Variants in RANBP17 observed in about 807,000 individuals in gnomAD.
RANBP17 encodes the protein ran-binding protein 17.
Under a neutral mutation model 141.2 loss-of-function variants are expected in RANBP17, and 158 were observed. The observed-to-expected ratio is 1.12, with a 90% CI of 0.98 to 1.28. The LOEUF is 1.28. RANBP17 is among the 50% of genes most tolerant of loss of function. RANBP17 has a pLI of 0.00. For synonymous variants in RANBP17, 430 were observed against 450.0 expected (o/e 0.96, Z 0.56); for missense variants, 1,438 against 1,290.7 (o/e 1.11, Z -1.75).
intron 22 of RANBP17, among the ~76,000 whole-genome samples, chr5:171,228,987 G>A (rs1450950370): frequency 3.3e-5 from 5 of 152,072 alleles, no homozygotes; most frequent in Admixed American, 3.3e-4. Context: ...GTAGTGGTCT[G>A]GAACTGAACT....
At chr5:171,088,979 C>T (rs1422803794) in intron 14 of RANBP17, among the ~76,000 whole-genome samples, 1 of 151,842 alleles carries the variant, frequency 6.6e-6, no homozygotes, top group Admixed American at 6.6e-5. Flanking sequence ...AGTCATTCTC[C>T]ATCCAGCTTT....
chr5:171,250,758 T>C (rs1202648596), intron 24 of RANBP17, among the ~76,000 whole-genome samples: 1 of 152,194 alleles, frequency 6.6e-6, no homozygotes, highest in Non-Finnish European at 1.5e-5. Flanking sequence ...GGTCATTATA[T>C]AATGATAAAG....
At chr5:171,036,808 A>G (rs1333561647) in intron 14 of RANBP17, among the ~76,000 whole-genome samples, 2 of 152,176 alleles carry the variant, frequency 1.3e-5, no homozygotes, top group Non-Finnish European at 2.9e-5. Context: ...CATGGTGTAT[A>G]TGTACTATAT....
In RANBP17 at chr5:171,187,673, C is replaced by CT. The variant is rs1263271155; in HGVS notation, c.2038+4245dup. Among the ~76,000 whole-genome samples the CT allele has an allele frequency of 8.9e-4, 136 of 152,088 alleles. 1 individual carries two copies. Among genetic ancestry groups the CT allele is most frequent in the Non-Finnish European group, 2.2e-4 (15 of 67,984 alleles). On this transcript the variant is annotated intron_variant, in intron 18 of 27. Coordinates refer to ENST00000523189, the MANE Select transcript of RANBP17 (RefSeq NM_022897.5). Reference sequence around the variant, plus strand: ...TTACTTTTATAATGGTAAAAATTAACTTATTTTTAAAATTTGTTACTAAAA... The same window carrying CT: ...TTACTTTTATAATGGTAAAAATTAACTTTATTTTTAAAATTTGTTACTAAAA...
chr5:170,976,007 AC>A (rs1777348493), intron 14 of RANBP17, among the ~76,000 whole-genome samples: 1 of 151,812 alleles, frequency 6.6e-6, no homozygotes, highest in African/African-American at 2.4e-5. Context: ...ACAAAACAAA[AC>A]AAAAAGGCAT....
chr5:171,171,973 A>G (rs972463093), intron 16 of RANBP17, among the ~76,000 whole-genome samples: 2 of 151,982 alleles, frequency 1.3e-5, no homozygotes, highest in Non-Finnish European at 2.9e-5. Flanking sequence ...TCTAACAACT[A>G]GAGAGAATCA....
chr5:171,035,535 GT>G (rs939869013), intron 14 of RANBP17, among the ~76,000 whole-genome samples: 1 of 143,840 alleles, frequency 7.0e-6, no homozygotes, highest in African/African-American at 2.6e-5. Context: ...GAGGTCTAGA[GT>G]TTTTTTTTGT....
intron 14 of RANBP17, among the ~76,000 whole-genome samples, chr5:171,008,424 G>T (rs548445065): frequency 6.6e-6 from 1 of 152,268 alleles, no homozygotes; most frequent in African/African-American, 2.4e-5. Flanking sequence ...TGTCACGGAC[G>T]TCCGTGTGAA....
At chr5:171,150,091 A>G (rs1401388445) in intron 14 of RANBP17, among the ~76,000 whole-genome samples, 2 of 152,140 alleles carry the variant, frequency 1.3e-5, no homozygotes, top group Non-Finnish European at 2.9e-5. Flanking sequence ...ATCTGTTTTT[A>G]TATTCTGTTT....
intron 3 of RANBP17, among the ~76,000 whole-genome samples, chr5:170,890,764 T>C (rs1769527268): frequency 6.6e-6 from 1 of 152,270 alleles, no homozygotes; most frequent in African/African-American, 2.4e-5. Flanking sequence ...CTGAATTTGC[T>C]ATCCACTTTT....
intron 24 of RANBP17, chr5:171,251,991 T>C: frequency 6.2e-7 from 1 of 1,609,582 alleles, no homozygotes; most frequent in Non-Finnish European, 8.5e-7. Context: ...TTTATTTTTG[T>C]CGTCCATTTC....
At chr5:170,885,051 CCTTTA>C (rs1769029499) in intron 3 of RANBP17, among the ~76,000 whole-genome samples, 1 of 151,776 alleles carries the variant, frequency 6.6e-6, no homozygotes, top group African/African-American at 2.4e-5. Context: ...CCTTTTGTCG[CCTTTA>C]CTTAGAGTTG....
At chr5:171,231,177 T>C (rs1198537553) in intron 22 of RANBP17, among the ~76,000 whole-genome samples, 1 of 150,166 alleles carries the variant, frequency 6.7e-6, no homozygotes, top group Non-Finnish European at 1.5e-5. Context: ...CAAAACTCCT[T>C]ACCTCAAGCA....
chr5:171,289,731 A>G (rs1176878377), intron 25 of RANBP17, among the ~76,000 whole-genome samples: 1 of 152,118 alleles, frequency 6.6e-6, no homozygotes, highest in African/African-American at 2.4e-5. Flanking sequence ...GTAAGACCCC[A>G]TCTCTAAAAA....
At chr5:170,878,735 A>G (rs964169691) in intron 2 of RANBP17, among the ~76,000 whole-genome samples, 1 of 152,184 alleles carries the variant, frequency 6.6e-6, no homozygotes, top group Non-Finnish European at 1.5e-5. Context: ...TGATTTATGT[A>G]CATGAATTAA....
rs370605563 is a variant in RANBP17, at chr5:171,089,491, C to T, written c.1711-80639C>T. The stretch of plus-strand genomic sequence containing the variant: ...TTGAGCTGTGGTGGGCTCCACCCAG[C>T]TCGAGCTTCCCGGCTGCTTTGTTTA... On this transcript the variant is annotated intron_variant, in intron 14 of 27. Transcript: ENST00000523189. Among the ~76,000 whole-genome samples the T allele has an allele frequency of 8.3e-4, 123 of 148,058 alleles. 1 individual carries two copies. The highest frequency in any genetic ancestry group is 2.4e-3 in the South Asian group (11 of 4,550).
chr5:171,160,466 A>G (rs1432509796), intron 14 of RANBP17, among the ~76,000 whole-genome samples: 1 of 152,184 alleles, frequency 6.6e-6, no homozygotes, highest in Admixed American at 6.5e-5. Flanking sequence ...GGTCCTTCAC[A>G]TAAATTAACC....
chr5:171,076,894 T>G (rs1034093389), intron 14 of RANBP17, among the ~76,000 whole-genome samples: 1 of 152,168 alleles, frequency 6.6e-6, no homozygotes, highest in Non-Finnish European at 1.5e-5. Flanking sequence ...AGCAAGTAAT[T>G]GAGTAGAGGA....
chr5:171,011,500 T>C (rs1011238761), intron 14 of RANBP17, among the ~76,000 whole-genome samples: 1 of 152,010 alleles, frequency 6.6e-6, no homozygotes, highest in Non-Finnish European at 1.5e-5. Context: ...ATGACATATT[T>C]TGGAAACTTT....
Sources: gnomAD v4.1 joint callset for allele counts (sites outside exome capture counted in the v4.1 genomes callset) on GRCh38, gnomAD v4.1.1 for gene constraint, MANE v1.5 for transcripts, NCBI Gene and HGNC (gene_info 2026-07-23, HGNC 2026-07-21) for gene names.